GMIP: variants seen among roughly 807,000 people sequenced by gnomAD.
The protein encoded by GMIP is GEM interacting protein, also known as GEM-interacting protein.
GMIP carries 54 observed loss-of-function variants against 105.3 expected under a neutral mutation model. The observed-to-expected ratio is 0.51, with a 90% confidence interval of 0.41 to 0.64. The LOEUF (loss-of-function observed/expected upper bound fraction) is 0.64, where lower values mean the gene tolerates loss of function less well. Among genes scored for constraint, GMIP ranks in the 30% least tolerant of loss-of-function variants. GMIP has a pLI of 0.00. For missense variants in GMIP, 1,110 were observed against 1,319.4 expected (o/e 0.84, Z 2.46); for synonymous variants, 541 against 560.8 (o/e 0.96, Z 0.50).
In GMIP at chr19:19,629,643, C is replaced by CA; in HGVS notation, c.*319dup. 1 of 300,406 alleles carries CA rather than the reference C, an allele frequency of 3.3e-6. No individual in the cohort carries two copies. The highest frequency in any genetic ancestry group is 4.6e-5 in the Admixed American group (1 of 21,706). 18.6% of individuals were successfully genotyped at this position (300,406 alleles called of 1,614,324 possible). The stretch of plus-strand genomic sequence containing the variant: ...GCAAAAGCACCCCTGTCCCAGGTGT[C>CA]AGAGACTAGGGTGGACCCCAAGGAT... On this transcript the variant is annotated 3_prime_UTR_variant, in exon 21 of 21. Coordinates refer to ENST00000203556, the MANE Select transcript of GMIP (RefSeq NM_016573.4).
Position 19,640,141 on chromosome 19 carries a change from T to G in GMIP, c.481A>C (p.Ser161Arg). The G allele has an allele frequency of 6.2e-7, 1 of 1,613,844 alleles. No homozygotes were observed. Among genetic ancestry groups the G allele is most frequent in the African/African-American group, 1.3e-5 (1 of 74,978 alleles). ...IYTLFLEHDL[S>R]LGTLAMETVA... ...GTCTCCATGGCCAGGGTTCCCAGGC[T>G]GAGATCGTGCTCCAGAAACAGGGTG... is the stretch of plus-strand genomic sequence containing the variant. The change falls in exon 7 of 21, where the codon AGC (serine) becomes CGC (arginine). Residue 161 changes from serine (S) to arginine (R), a missense_variant. Physicochemically the swap from Ser to Arg is moderately radical, Grantham distance 110. Transcript: ENST00000203556.
chr19:19,642,690 A>T, intron 1 of GMIP, 71 bp from the exon 2 acceptor site: 6 of 631,508 alleles, frequency 9.5e-6, no homozygotes, highest in Non-Finnish European at 1.2e-5. Context: ...AACCAGTCTC[A>T]TTTGGAGGGG....
chr19:19,642,465 AAGGCACCTAAATGGTT>A, intron 2 of GMIP, 54 bp downstream of exon 2: 2 of 910,132 alleles, frequency 2.2e-6, no homozygotes, highest in East Asian at 4.9e-5. Context: ...ATGGGACTGC[AAGGCACCTAAATGGTT>A]AGGGGCTTGG....
In GMIP at chr19:19,642,558, G is replaced by A. The variant is rs1244997695; in HGVS notation, c.81C>T (p.Asn27=). 3 of 1,610,262 alleles carry A rather than the reference G, an allele frequency of 1.9e-6. No individual in the cohort carries two copies. The highest frequency in any genetic ancestry group is 2.5e-6 in the Non-Finnish European group (3 of 1,176,976). Residue 27 remains asparagine (N), a synonymous_variant, in exon 2 of 21, where the codon AAC becomes AAT. Transcript: ENST00000203556. The part of the protein sequence containing the change: ...RYSDIFRSLD[N]LEISLGNVTL... ...ACACGTTCCCCAGTGAGATTTCGAG[G>A]TTGTCCAGGCTCCGGAAGATGTCAC...
At chr19:19,643,136 G>T (rs1202059623) in intron 1 of GMIP, 1 of 269,274 alleles carries the variant, frequency 3.7e-6, no homozygotes, top group African/African-American at 2.2e-5. Flanking sequence ...TCTCCTAAGG[G>T]GCCTAGACCA....
chr19:19,632,887 T>G (rs2061810522), intron 19 of GMIP, among the ~76,000 whole-genome samples: 1 of 152,106 alleles, frequency 6.6e-6, no homozygotes, highest in African/African-American at 2.4e-5. Flanking sequence ...GGCTGTTCCC[T>G]TTGCCTGGAA....
In GMIP at chr19:19,643,601, G is replaced by C. The variant is rs1464372258; in HGVS notation, c.-72C>G. The C allele has an allele frequency of 7.3e-7, 1 of 1,362,408 alleles. No individual in the cohort carries two copies. The highest frequency in any genetic ancestry group is 1.3e-5 in the South Asian group (1 of 74,588). The allele number at this position is 1,362,408 out of a possible 1,614,324, so 84.4% of individuals were successfully genotyped here. A position where few individuals can be genotyped will look rare whatever the true frequency, so the allele number is the denominator to read the frequency against. On this transcript the variant is annotated 5_prime_UTR_variant, in exon 1 of 21. The change creates a new upstream start codon in the 5' untranslated region. Coordinates refer to ENST00000203556, the MANE Select transcript of GMIP (RefSeq NM_016573.4). ...TCGCGCGCCGGCGGGGCCGAGCCCC[G>C]ATTTCCTGCCGCCGCAGCCGCCGCC...
Position 19,637,948 on chromosome 19 carries a change from A to G in GMIP, c.899T>C (p.Val300Ala). ...CCTCAGCACTTCATCCCCCTGAAAC[A>G]CCAGCTTGCGCACGTGCGACACGAT... ...QRIVSHVRKL[V>A]FQGDEVLRRV... Residue 300 changes from valine to alanine, a missense_variant, in exon 10 of 21, where the codon GTG (valine) becomes GCG (alanine). Val to Ala is a moderately conservative substitution (Grantham distance 64). Around this residue, in one of 3 missense-constraint regions of GMIP, gnomAD observed 667 missense variants for 773.2 expected, o/e 0.86. Coordinates refer to ENST00000203556, the MANE Select transcript of GMIP (RefSeq NM_016573.4). The surrounding 1 kb of genome is among the most constrained non-coding windows in gnomAD (Gnocchi z 6.7). 6.2e-7 allele frequency: 1 copy of G among 1,609,764 alleles called. No individual in the cohort carries two copies. Among genetic ancestry groups the G allele is most frequent in the Non-Finnish European group, 8.5e-7 (1 of 1,178,730 alleles).
rs755788287 is a variant in GMIP, at chr19:19,640,597, C to A, written c.239-26G>T. Reference sequence around the variant, plus strand: ...CTGGGGAAGATGGATGGACCTCTGACCTTTGCACCCTAGTCTGCTATGGAT... The same window carrying A: ...CTGGGGAAGATGGATGGACCTCTGAACTTTGCACCCTAGTCTGCTATGGAT... On this transcript the variant is annotated intron_variant, in intron 4 of 20. Transcript: ENST00000203556. 4 of 1,613,150 alleles carry A rather than the reference C, an allele frequency of 2.5e-6. No homozygotes were observed. In the African/African-American group the frequency reaches 4.0e-5, roughly 16 times the overall value.
chr19:19,643,566 G>T lies in GMIP; in HGVS notation c.-37C>A, dbSNP rs569919719. On this transcript the variant is annotated 5_prime_UTR_variant, in exon 1 of 21. Coordinates refer to ENST00000203556, the MANE Select transcript of GMIP (RefSeq NM_016573.4). ...GGGATCGCTCTGCAGGGACCGGGAT[G>T]GGGATGGGGTCGCGCGCCGGCGGGG... 4.6e-6 allele frequency: 7 copies of T among 1,528,610 alleles called. No homozygotes were observed. Among genetic ancestry groups the T allele is most frequent in the Admixed American group, 4.0e-5 (2 of 49,800 alleles). The allele number at this position is 1,528,610 out of a possible 1,614,324, so 94.7% of individuals were successfully genotyped here. A position where few individuals can be genotyped will look rare whatever the true frequency, so the allele number is the denominator to read the frequency against.
At position 19,635,849 on chromosome 19, in the gene GMIP, T is replaced by C. The variant is rs2061848870; in HGVS notation, c.1328-128A>G. ...GGAGGGGGATTGGACAGGTCAGTGGTTAAGGGTTGGAGAATTGGGTCAGCA... is the reference window on the plus strand; with the variant it reads ...GGAGGGGGATTGGACAGGTCAGTGGCTAAGGGTTGGAGAATTGGGTCAGCA... On this transcript the variant is annotated intron_variant, in intron 13 of 20. Transcript: ENST00000203556. The surrounding 1 kb of genome is among the most constrained non-coding windows in gnomAD (Gnocchi z 4.7). 4 of 762,256 alleles carry C rather than the reference T, an allele frequency of 5.2e-6. No individual in the cohort carries two copies. The African/African-American group carries it at 6.9e-5, about 13-fold the overall frequency. The allele number at this position is 762,256 out of a possible 1,614,324, so 47.2% of individuals were successfully genotyped here.
chr19:19,635,135 G>T lies in GMIP; in HGVS notation c.1639C>A (p.Pro547Thr). Residue 547 changes from proline to threonine, a missense_variant, in exon 16 of 21, where the codon CCC becomes ACC. Coordinates refer to ENST00000203556, the MANE Select transcript of GMIP (RefSeq NM_016573.4). The surrounding 1 kb of genome is among the most constrained non-coding windows in gnomAD (Gnocchi z 4.7). The stretch of plus-strand genomic sequence containing the variant: ...TGCAGGAAGTCAACCCCAAAAAGGG[G>T]TGTCCGGGCTGGGAGCCGCCTGTGT... Reference protein sequence around the residue: ...CGHRRLPARTPLFGVDFLQLP... With the variant: ...CGHRRLPARTTLFGVDFLQLP... 6.2e-7 allele frequency: 1 copy of T among 1,613,958 alleles called. No individual in the cohort carries two copies. Among genetic ancestry groups the T allele is most frequent in the Non-Finnish European group, 8.5e-7 (1 of 1,179,884 alleles).
chr19:19,638,107 T>A (rs768752478), intron 9 of GMIP, 50 bp from the exon 10 acceptor site: 1 of 1,552,914 alleles, frequency 6.4e-7, no homozygotes, highest in South Asian at 1.2e-5. Flanking sequence ...TGGGCGAGAG[T>A]GGAGGGCAGG....
rs1178680190 is a variant in GMIP, at chr19:19,637,332, G to A, written c.1124+33C>T. 4 of 1,382,894 alleles carry A rather than the reference G, an allele frequency of 2.9e-6. No individual in the cohort carries two copies. Among genetic ancestry groups the A allele is most frequent in the South Asian group, 1.4e-5 (1 of 70,368 alleles). 85.7% of individuals were successfully genotyped at this position (1,382,894 alleles called of 1,614,324 possible). A position where few individuals can be genotyped will look rare whatever the true frequency, so the allele number is the denominator to read the frequency against. ...AACAGCCTGGCATCGCGATTCCGGG[G>A]CTCGTTCCCGACTCCCTGCTCCAGT... On this transcript the variant is annotated intron_variant, in intron 11 of 20. Coordinates refer to ENST00000203556, the MANE Select transcript of GMIP (RefSeq NM_016573.4). This position sits in a 1 kb window ranked among gnomAD's most constrained non-coding sequence, Gnocchi z 6.7.
rs1466256684 is a variant in GMIP at position 19,638,251 on chromosome 19, C to G, written c.697G>C (p.Gly233Arg). 1 of 1,604,166 alleles carries G rather than the reference C, an allele frequency of 6.2e-7. No homozygotes were observed. The highest frequency in any genetic ancestry group is 8.5e-7 in the Non-Finnish European group (1 of 1,179,436). ...TGGGGGGCCGAGTCCTCAGGGGACC[C>G]CTGGGAGCGTGCCCGCAGGTCCTCG... is the stretch of plus-strand genomic sequence containing the variant. Reference protein sequence around the residue: ...RSEDLRARSQGSPEDSAPQAS... With the variant: ...RSEDLRARSQRSPEDSAPQAS... The change falls in exon 9 of 21, where the codon GGG (glycine) becomes CGG (arginine). Residue 233 changes from glycine to arginine, a missense_variant. Transcript: ENST00000203556.
rs140296128 is a variant in GMIP, at chr19:19,632,250, C to A, written c.2472+1553G>T. On this transcript the variant is annotated intron_variant, in intron 19 of 20. Transcript: ENST00000203556. ...TGGAGGTTACGGTGAACAGAGATCA[C>A]GCCATCGCACTCCAACCTGGGCAAC... Among the ~76,000 whole-genome samples the A allele has an allele frequency of 6.4e-3, 972 of 151,952 alleles. 9 individuals carry two copies. Among genetic ancestry groups the A allele is most frequent in the African/African-American group, 0.022 (921 of 41,426 alleles).
rs1168084600 is a variant in GMIP at position 19,634,496 on chromosome 19, C to T, written c.2084+11G>A. 1 of 1,593,602 alleles carries T rather than the reference C, an allele frequency of 6.3e-7. No homozygotes were observed. Among genetic ancestry groups the T allele is most frequent in the South Asian group, 1.1e-5 (1 of 88,310 alleles). ...AGGGTCGCGTTTCAAGGCTCAGGGA[C>T]CCATGCACACCTGAACAGATGGGCC... On this transcript the variant is annotated intron_variant, in intron 18 of 20. Transcript: ENST00000203556. This position sits in a 1 kb window ranked among gnomAD's most constrained non-coding sequence, Gnocchi z 6.1.
chr19:19,643,369 C>T, intron 1 of GMIP, 142 bp downstream of exon 1: 3 of 732,430 alleles, frequency 4.1e-6, no homozygotes, highest in South Asian at 3.9e-5. Flanking sequence ...CACAGGGCTC[C>T]CCACAATGGA....
rs371174088 is a variant in GMIP, at chr19:19,641,844, G to A, written c.204C>T (p.Ser68=). ...ATVTNEASCW[S]GPSPEGPVPL... ...GTACAGGACCCTCTGGGGAGGGGCC[G>A]CTCCAACAGCTGGCTTCGTTGGTCT... Residue 68 remains serine (S), a synonymous_variant, in exon 4 of 21, where the codon AGC becomes AGT. Coordinates refer to ENST00000203556, the MANE Select transcript of GMIP (RefSeq NM_016573.4). 20 of 1,612,660 alleles carry A rather than the reference G, an allele frequency of 1.2e-5. No individual in the cohort carries two copies. The highest frequency in any genetic ancestry group is 6.7e-5 in the African/African-American group (5 of 75,000).
Sources: allele counts gnomAD v4.1 joint callset (sites outside exome capture counted in the v4.1 genomes callset), GRCh38; gene constraint gnomAD v4.1.1; regional missense constraint gnomAD v4.1.1; non-coding constraint Gnocchi (gnomAD v3.1); transcripts MANE v1.5; gene names NCBI Gene and HGNC (gene_info 2026-07-23, HGNC 2026-07-21).